Variants in ROR1 observed in about 807,000 individuals in gnomAD.
The protein encoded by ROR1 is ROR family WNT receptor 1.
In ROR1, 19 loss-of-function variants were observed where a neutral mutation model predicts 78.8. The observed-to-expected ratio is 0.24, with a 90% CI of 0.17 to 0.35. The LOEUF (loss-of-function observed/expected upper bound fraction) is 0.35, where lower values mean the gene tolerates loss of function less well. ROR1 is among the 10% of genes least tolerant of loss of function. ROR1 has a pLI of 1.00. For missense variants in ROR1, 917 were observed against 1,177.8 expected, an observed-to-expected ratio of 0.78 and a Z score of 3.24; for synonymous variants, 386 against 433.6, an observed-to-expected ratio of 0.89 and a Z score of 1.36.
chr1:64,136,539 T>A (rs1490520361), intron 4 of ROR1, among the ~76,000 whole-genome samples: 1 of 151,980 alleles, frequency 6.6e-6, no homozygotes, highest in Non-Finnish European at 1.5e-5. Context: ...GCCTCTGCCC[T>A]TTCAGGTTGA....
chr1:63,795,205 G>A (rs1310859946), intron 1 of ROR1, among the ~76,000 whole-genome samples: 4 of 152,172 alleles, frequency 2.6e-5, no homozygotes, highest in East Asian at 1.9e-4. Context: ...CAGAAGCCCC[G>A]CTGAGAGGGC....
At chr1:63,847,842 T>C (rs957891283) in intron 1 of ROR1, among the ~76,000 whole-genome samples, 1 of 152,166 alleles carries the variant, frequency 6.6e-6, no homozygotes, top group African/African-American at 2.4e-5. Flanking sequence ...ATAAGTCCCA[T>C]GTGTCTACTC....
At chr1:63,813,166 T>C (rs907571818) in intron 1 of ROR1, among the ~76,000 whole-genome samples, 2 of 152,212 alleles carry the variant, frequency 1.3e-5, no homozygotes, top group African/African-American at 4.8e-5. Context: ...AAAATTCTCT[T>C]CCTTAAGGTT....
chr1:64,017,105 C>T (rs1401242322), intron 2 of ROR1, among the ~76,000 whole-genome samples: 4 of 151,928 alleles, frequency 2.6e-5, no homozygotes, highest in Non-Finnish European at 5.9e-5. Context: ...CGGGGTCTCA[C>T]CATGTTTCCC....
intron 4 of ROR1, among the ~76,000 whole-genome samples, chr1:64,052,925 A>C (rs1279630842): frequency 6.6e-6 from 1 of 151,564 alleles, no homozygotes; most frequent in Admixed American, 6.6e-5. Flanking sequence ...TGTCTCTAGG[A>C]GTTCTTCACT....
At chr1:64,061,351 C>G (rs1275595514) in intron 4 of ROR1, among the ~76,000 whole-genome samples, 1 of 152,182 alleles carries the variant, frequency 6.6e-6, no homozygotes, top group Non-Finnish European at 1.5e-5. Context: ...ACTTTCCCTT[C>G]CTATATTTAT....
chr1:63,896,868 G>A (rs918447625), intron 1 of ROR1, among the ~76,000 whole-genome samples: 1 of 152,120 alleles, frequency 6.6e-6, no homozygotes, highest in Non-Finnish European at 1.5e-5. Context: ...ACCAGAGTTC[G>A]AGTTCTGACT....
intron 1 of ROR1, among the ~76,000 whole-genome samples, chr1:63,890,137 T>A (rs941135689): frequency 6.0e-5 from 9 of 150,074 alleles, no homozygotes; most frequent in African/African-American, 2.2e-4. Flanking sequence ...GATTATATGG[T>A]CTGTAGCTGG....
intron 1 of ROR1, among the ~76,000 whole-genome samples, chr1:63,824,130 A>G (rs1644939986): frequency 1.3e-5 from 2 of 152,178 alleles, no homozygotes. Context: ...TTTTCTCCTA[A>G]TGAGTTTTCC....
intron 1 of ROR1, among the ~76,000 whole-genome samples, chr1:63,862,263 A>C (rs562690518): frequency 3.2e-4 from 49 of 151,882 alleles, no homozygotes; most frequent in African/African-American, 1.1e-3. Flanking sequence ...GTATGGTGGC[A>C]CATGCTTGTA....
chr1:64,151,858 C>T (rs1401924880), intron 7 of ROR1, among the ~76,000 whole-genome samples: 1 of 142,724 alleles, frequency 7.0e-6, no homozygotes, highest in South Asian at 2.3e-4. Context: ...ACTCCAGCCT[C>T]GGTGACAGAG....
intron 2 of ROR1, among the ~76,000 whole-genome samples, chr1:64,012,471 A>G (rs1646483905): frequency 6.6e-6 from 1 of 152,182 alleles, no homozygotes; most frequent in Admixed American, 6.6e-5. Flanking sequence ...TTAAACTAGG[A>G]GACACTGACA....
chr1:64,043,200 A>C (rs1325276466), intron 2 of ROR1, among the ~76,000 whole-genome samples: 1 of 152,244 alleles, frequency 6.6e-6, no homozygotes. Flanking sequence ...TTGAAAATTA[A>C]GTAATAAATG....
At chr1:63,976,599 A>T (rs1324125036) in intron 1 of ROR1, among the ~76,000 whole-genome samples, 1 of 152,148 alleles carries the variant, frequency 6.6e-6, no homozygotes, top group Non-Finnish European at 1.5e-5. Flanking sequence ...TTTTGGAGAA[A>T]TTTCTAGCAT....
intron 1 of ROR1, among the ~76,000 whole-genome samples, chr1:63,831,344 C>T (rs992398942): frequency 1.3e-5 from 2 of 152,222 alleles, no homozygotes; most frequent in Non-Finnish European, 2.9e-5. Flanking sequence ...CTGCAGCAGA[C>T]GTCTTCCTGG....
intron 4 of ROR1, among the ~76,000 whole-genome samples, chr1:64,083,002 G>A (rs1240938694): frequency 6.6e-6 from 1 of 152,176 alleles, no homozygotes; most frequent in Admixed American, 6.5e-5. Flanking sequence ...ATTGTGGAAG[G>A]AAAATAGTAC....
chr1:63,995,466 T>G (rs926812183), intron 1 of ROR1, among the ~76,000 whole-genome samples: 2 of 152,200 alleles, frequency 1.3e-5, no homozygotes, highest in Non-Finnish European at 2.9e-5. Context: ...TCCGTAGCGC[T>G]TCACAACAAT....
At chr1:63,834,724 T>C (rs971789448) in intron 1 of ROR1, among the ~76,000 whole-genome samples, 1 of 152,158 alleles carries the variant, frequency 6.6e-6, no homozygotes, top group African/African-American at 2.4e-5. Flanking sequence ...AGTCTTTCCA[T>C]GTGGGAGCTC....
chr1:64,005,371 A>G (rs1179408454), intron 1 of ROR1, among the ~76,000 whole-genome samples: 2 of 152,228 alleles, frequency 1.3e-5, no homozygotes, highest in Non-Finnish European at 2.9e-5. Context: ...CACAAAATTA[A>G]TAAGTGTCAG....
Sources: gnomAD v4.1 joint callset for allele counts (sites outside exome capture counted in the v4.1 genomes callset) on GRCh38, gnomAD v4.1.1 for gene constraint, MANE v1.5 for transcripts, NCBI Gene and HGNC (gene_info 2026-07-23, HGNC 2026-07-21) for gene names.